The following CCSER1 variants were observed in gnomAD, a reference collection of about 807,000 sequenced individuals.
CCSER1 encodes coiled-coil serine rich protein 1.
Under a neutral mutation model 82.0 loss-of-function variants are expected in CCSER1, and 41 were observed. That is an observed-to-expected ratio of 0.50 (90% CI 0.39 to 0.65). The LOEUF is 0.65. Ranked by LOEUF, CCSER1 falls within the 30% of genes least tolerant of loss-of-function variation. The pLI is 0.00. For missense variants in CCSER1, 1,119 were observed against 1,064.2 expected (o/e 1.05, Z -0.72); for synonymous variants, 414 against 383.9 (o/e 1.08, Z -0.92).
chr4:90,777,096 C>T (rs1752999800), intron 7 of CCSER1, among the ~76,000 whole-genome samples: 1 of 152,130 alleles, frequency 6.6e-6, no homozygotes, highest in Non-Finnish European at 1.5e-5. Flanking sequence ...TGGCTCATGC[C>T]TGTAATCCCA....
chr4:90,309,508 A>C lies in CCSER1; in HGVS notation c.1224A>C (p.Lys408Asn), dbSNP rs1434901251. The change falls in exon 2 of 11, where the codon AAA (lysine) becomes AAC (asparagine). Residue 408 changes from lysine (K) to asparagine (N), a missense_variant. Physicochemically the swap from Lys to Asn is moderately conservative, Grantham distance 94. Coordinates refer to ENST00000509176, the MANE Select transcript of CCSER1 (RefSeq NM_001145065.2). ...ATAAAGCAATAGCGGAACATGTAAA[A>C]GGGATCCATCCTATTTCAGATTCAA... ...EQHKAIAEHV[K>N]GIHPISDSKI... 4.3e-6 allele frequency: 7 copies of C among 1,613,766 alleles called. No individual in the cohort carries two copies. The highest frequency in any genetic ancestry group is 5.1e-6 in the Non-Finnish European group (6 of 1,179,736).
intron 3 of CCSER1, among the ~76,000 whole-genome samples, chr4:90,343,420 C>T (rs1025054812): frequency 2.0e-5 from 3 of 152,050 alleles, no homozygotes; most frequent in African/African-American, 7.2e-5. Context: ...GGTTCCAGAC[C>T]AGCCTGGCCG....
intron 10 of CCSER1, among the ~76,000 whole-genome samples, chr4:91,169,988 C>G (rs1248092330): frequency 1.3e-5 from 2 of 152,130 alleles, no homozygotes; most frequent in Non-Finnish European, 2.9e-5. Context: ...AAGTTGAAAC[C>G]TCTTTTAAAA....
At chr4:90,410,263 GCT>G (rs1219280447) in intron 4 of CCSER1, among the ~76,000 whole-genome samples, 1 of 152,124 alleles carries the variant, frequency 6.6e-6, no homozygotes, top group African/African-American at 2.4e-5. Flanking sequence ...ATTGAACTCA[GCT>G]CTGCACCAAG....
At chr4:91,212,718 T>C (rs190398222) in intron 10 of CCSER1, among the ~76,000 whole-genome samples, 2 of 152,158 alleles carry the variant, frequency 1.3e-5, no homozygotes, top group African/African-American at 4.8e-5. Context: ...TATGAAATTT[T>C]TATTCCTTTT....
intron 4 of CCSER1, among the ~76,000 whole-genome samples, chr4:90,427,392 A>G (rs1757670946): frequency 6.6e-6 from 1 of 151,898 alleles, no homozygotes; most frequent in Non-Finnish European, 1.5e-5. Context: ...CAAATAACAG[A>G]ATATAAAATG....
chr4:91,098,332 A>G (rs1724712344), intron 10 of CCSER1, among the ~76,000 whole-genome samples: 1 of 152,254 alleles, frequency 6.6e-6, no homozygotes, highest in Non-Finnish European at 1.5e-5. Context: ...TCTGAGAATC[A>G]GATAAATTAT....
chr4:90,469,747 T>A (rs190619026), intron 5 of CCSER1, among the ~76,000 whole-genome samples: 40 of 152,224 alleles, frequency 2.6e-4, no homozygotes, highest in Middle Eastern at 3.4e-3. Context: ...TCATGAAGGC[T>A]CTTCTGAATG....
chr4:91,043,722 C>T (rs969894660), intron 9 of CCSER1, among the ~76,000 whole-genome samples: 1 of 151,310 alleles, frequency 6.6e-6, no homozygotes, highest in Non-Finnish European at 1.5e-5. Context: ...TCCCGAGTAA[C>T]TGGGATCACA....
chr4:90,346,319 T>C (rs17016824), intron 3 of CCSER1, among the ~76,000 whole-genome samples: 11,016 of 152,058 alleles, frequency 0.072, 606 homozygotes, highest in East Asian at 0.19. Flanking sequence ...AGTTAAGTGG[T>C]ATATTTCTTA....
intron 5 of CCSER1, among the ~76,000 whole-genome samples, chr4:90,548,839 AC>A (rs1229845386): frequency 6.6e-6 from 1 of 151,902 alleles, no homozygotes; most frequent in African/African-American, 2.4e-5. Context: ...CTATTTTCAA[AC>A]TTCAGAATAT....
At chr4:91,259,831 ATC>A (rs1038096704) in intron 10 of CCSER1, among the ~76,000 whole-genome samples, 1 of 151,926 alleles carries the variant, frequency 6.6e-6, no homozygotes, top group Non-Finnish European at 1.5e-5. Flanking sequence ...TTCTTTATTC[ATC>A]TCTCATTGAT....
intron 10 of CCSER1, among the ~76,000 whole-genome samples, chr4:91,575,292 T>C (rs886599951): frequency 2.6e-5 from 4 of 151,994 alleles, no homozygotes; most frequent in African/African-American, 9.7e-5. Context: ...GAAAAACTCA[T>C]TGACATTGAT....
intron 10 of CCSER1, among the ~76,000 whole-genome samples, chr4:91,089,462 T>TG (rs1723719071): frequency 6.6e-6 from 1 of 152,194 alleles, no homozygotes. Context: ...TAAAACAATA[T>TG]GGGGGGATCT....
intron 10 of CCSER1, among the ~76,000 whole-genome samples, chr4:91,561,220 A>G (rs1402151264): frequency 6.6e-6 from 1 of 151,300 alleles, no homozygotes; most frequent in East Asian, 1.9e-4. Context: ...ATATATCTAA[A>G]ATGGAAAATG....
intron 9 of CCSER1, among the ~76,000 whole-genome samples, chr4:90,955,550 G>A (rs894517738): frequency 3.9e-5 from 6 of 152,102 alleles, no homozygotes; most frequent in African/African-American, 1.2e-4. Context: ...GTATATTGGG[G>A]TAAACTGACA....
At chr4:90,347,001 G>A (rs1430795181) in intron 3 of CCSER1, among the ~76,000 whole-genome samples, 1 of 152,016 alleles carries the variant, frequency 6.6e-6, no homozygotes, top group Admixed American at 6.6e-5. Flanking sequence ...TATGCCCTAT[G>A]CAGGTGAATT....
At chr4:90,362,400 T>C (rs908469089) in intron 3 of CCSER1, among the ~76,000 whole-genome samples, 2 of 152,188 alleles carry the variant, frequency 1.3e-5, no homozygotes, top group Non-Finnish European at 2.9e-5. Context: ...AAACATTTAG[T>C]GTTTTTCATA....
chr4:90,405,182 C>A (rs796329306), intron 4 of CCSER1, among the ~76,000 whole-genome samples: 8 of 152,024 alleles, frequency 5.3e-5, no homozygotes, highest in African/African-American at 1.9e-4. Context: ...ATCACAACTT[C>A]TGGAAATGAA....
Sources: gnomAD v4.1 joint callset for allele counts (sites outside exome capture counted in the v4.1 genomes callset) on GRCh38, gnomAD v4.1.1 for gene constraint, MANE v1.5 for transcripts, NCBI Gene and HGNC (gene_info 2026-07-23, HGNC 2026-07-21) for gene names.